LRP2: variants seen among roughly 807,000 people sequenced by gnomAD.
LRP2 encodes the protein low-density lipoprotein receptor-related protein 2.
Under a neutral mutation model 531.0 loss-of-function variants are expected in LRP2, and 172 were observed. The observed-to-expected ratio is 0.32, with a 90% CI of 0.29 to 0.37. The LOEUF (loss-of-function observed/expected upper bound fraction) is 0.37. Among genes scored for constraint, LRP2 ranks in the 10% least tolerant of loss-of-function variants. LRP2 has a pLI of 1.00. For synonymous variants in LRP2, 1,992 were observed against 2,027.6 expected, an observed-to-expected ratio of 0.98 and a Z score of 0.47; for missense variants, 5,167 against 5,868.3, an observed-to-expected ratio of 0.88 and a Z score of 3.90.
intron 55 of LRP2, among the ~76,000 whole-genome samples, chr2:169,174,563 G>A (rs1480455796): frequency 1.3e-5 from 2 of 152,186 alleles, no homozygotes; most frequent in Non-Finnish European, 2.9e-5. Context: ...CCAAGTGAGT[G>A]CAGTGGCACG....
At chr2:169,247,276 G>C in intron 20 of LRP2, 102 bp downstream of exon 20, 1 of 1,242,940 alleles carries the variant, frequency 8.0e-7, no homozygotes, top group Non-Finnish European at 1.1e-6. Flanking sequence ...ACTACCAGGA[G>C]CTAGACCTTT....
rs537834745 is a variant in LRP2, at chr2:169,223,745, G to A, written c.5538+1565C>T. ...AAAATAAAAATAAAAAAAAGAGTTT[G>A]AACCAGAGGAGCCTCCAAGGGGCCC... On this transcript the variant is annotated intron_variant, in intron 33 of 78. Transcript: ENST00000649046. 5.9e-5 allele frequency among the ~76,000 whole-genome samples: 9 copies of A among 152,262 alleles called. No homozygotes were observed. In the East Asian group the frequency reaches 1.7e-3, roughly 29 times the overall value.
rs143084107 is a variant in LRP2, at chr2:169,174,026, C to T, written c.10907G>A (p.Arg3636Gln). ...ATTAGCACACCGAAACTGGCCCGGC[C>T]GGCAGGTCCTGCTGGCACAGTGGGA... Reference protein sequence around the residue: ...DSSHCASRTCRPGQFRCANGR... With the variant: ...DSSHCASRTCQPGQFRCANGR... The change falls in exon 56 of 79, where the codon CGG becomes CAG. Residue 3636 changes from arginine to glutamine, a missense_variant. Arg to Gln is a conservative substitution (Grantham distance 43, BLOSUM62 1). Coordinates refer to ENST00000649046, the MANE Select transcript of LRP2 (RefSeq NM_004525.3). The T allele has an allele frequency of 1.5e-5, 25 of 1,614,114 alleles. No individual in the cohort carries two copies. Among genetic ancestry groups the T allele is most frequent in the East Asian group, 6.7e-5 (3 of 44,898 alleles).
At position 169,128,811 on chromosome 2, in the gene LRP2, T is replaced by C; in HGVS notation, c.13820A>G (p.Glu4607Gly). The C allele has an allele frequency of 1.2e-6, 2 of 1,614,106 alleles. No homozygotes were observed. Among genetic ancestry groups the C allele is most frequent in the Non-Finnish European group, 1.7e-6 (2 of 1,179,990 alleles). ...TGGAGGTGGTGTCGCAGCAACACTT[T>C]CCTTTTGCTCGTTCTCCATCTAAGA... is the stretch of plus-strand genomic sequence containing the variant. Reference protein sequence around the residue: ...IYAQMENEQKESVAATPPPSP... With the variant: ...IYAQMENEQKGSVAATPPPSP... The change falls in exon 79 of 79, where the codon GAA becomes GGA. Residue 4607 changes from glutamate (E) to glycine (G), a missense_variant. This residue lies in a region of LRP2 where 348 missense variants were observed against 369.3 expected (regional missense o/e 0.94). Coordinates refer to ENST00000649046, the MANE Select transcript of LRP2 (RefSeq NM_004525.3).
intron 66 of LRP2, among the ~76,000 whole-genome samples, chr2:169,153,302 G>A (rs1471076554): frequency 1.3e-5 from 2 of 152,242 alleles, no homozygotes; most frequent in East Asian, 3.9e-4. Flanking sequence ...GATAAACCAG[G>A]GCAGGCTGTT....
chr2:169,237,042 C>G, intron 28 of LRP2, 61 bp downstream of exon 28: 1 of 1,376,198 alleles, frequency 7.3e-7, no homozygotes, highest in Non-Finnish European at 1.0e-6. Flanking sequence ...CATCATGTTA[C>G]TGTTGTTTTT....
At chr2:169,225,604 G>A in intron 32 of LRP2, 151 bp from the exon 33 acceptor site, 3 of 852,052 alleles carry the variant, frequency 3.5e-6, no homozygotes, top group Non-Finnish European at 5.6e-6. Flanking sequence ...GCACCACTGG[G>A]TAGGCTTCAA....
chr2:169,172,455 T>C (rs551032344), intron 57 of LRP2, among the ~76,000 whole-genome samples: 2 of 152,362 alleles, frequency 1.3e-5, no homozygotes, highest in African/African-American at 4.8e-5. Context: ...GATCATATTA[T>C]CTTCAGTCAA....
At chr2:169,214,735 C>CA (rs1688716554) in intron 35 of LRP2, among the ~76,000 whole-genome samples, 1 of 152,192 alleles carries the variant, frequency 6.6e-6, no homozygotes, top group Non-Finnish European at 1.5e-5. Flanking sequence ...AGCTACTCCT[C>CA]AGGGCAAGGC....
chr2:169,146,810 C>A lies in LRP2; in HGVS notation c.12740G>T (p.Ser4247Ile). 2 of 1,614,208 alleles carry A rather than the reference C, an allele frequency of 1.2e-6. No homozygotes were observed. Among genetic ancestry groups the A allele is most frequent in the Non-Finnish European group, 1.7e-6 (2 of 1,180,028 alleles). Reference sequence around the variant, plus strand: ...TTCAATAACGTCCTCCTTGAAGTCACTCCAGTAGATTCGGTCATTGTTCAA... The same window carrying A: ...TTCAATAACGTCCTCCTTGAAGTCAATCCAGTAGATTCGGTCATTGTTCAA... ...DYLNNDRIYW[S>I]DFKEDVIETI... is the part of the protein sequence containing the mutation. The change falls in exon 69 of 79, where the codon AGT becomes ATT. Residue 4247 changes from serine (S) to isoleucine (I), a missense_variant. Ser to Ile is a moderately radical substitution (Grantham distance 142). Around this residue, in one of 6 missense-constraint regions of LRP2, gnomAD observed 564 missense variants for 747.7 expected, o/e 0.75. Transcript: ENST00000649046.
chr2:169,332,792 C>T (rs143975426), intron 1 of LRP2, among the ~76,000 whole-genome samples: 52 of 152,312 alleles, frequency 3.4e-4, no homozygotes, highest in Non-Finnish European at 6.9e-4. Flanking sequence ...GAAACCAATG[C>T]TTCAACATCA....
In LRP2 at chr2:169,311,525, A is replaced by C. The variant is rs552784466; in HGVS notation, c.311-4128T>G. Among the ~76,000 whole-genome samples, 6 of 152,330 alleles carry C rather than the reference A, an allele frequency of 3.9e-5. No individual in the cohort carries two copies. In the East Asian group the frequency reaches 9.6e-4, roughly 24 times the overall value. ...TTGAGCGGTTTTGAGTGAGTTTCTT[A>C]ATCCTGAGTTTTAGTTTGATTGCAC... On this transcript the variant is annotated intron_variant, in intron 3 of 78. Transcript: ENST00000649046.
chr2:169,145,904 C>G lies in LRP2; in HGVS notation c.12831G>C (p.Leu4277=). ...IAKEAMNPYS[L]DIFEDQLYWI... Reference sequence around the variant, plus strand: ...AGTATAACTGGTCTTCAAAGATGTCCAGGCTGTAAGGGTTCATTGCTGCTT... The same window carrying G: ...AGTATAACTGGTCTTCAAAGATGTCGAGGCTGTAAGGGTTCATTGCTGCTT... The change falls in exon 70 of 79, where the codon CTG becomes CTC. Residue 4277 remains leucine, a synonymous_variant. Coordinates refer to ENST00000649046, the MANE Select transcript of LRP2 (RefSeq NM_004525.3). The G allele has an allele frequency of 6.2e-7, 1 of 1,614,086 alleles. No homozygotes were observed. Among genetic ancestry groups the G allele is most frequent in the Middle Eastern group, 1.6e-4 (1 of 6,062 alleles).
At chr2:169,140,789 A>G (rs1685693499) in intron 71 of LRP2, among the ~76,000 whole-genome samples, 1 of 152,238 alleles carries the variant, frequency 6.6e-6, no homozygotes, top group Non-Finnish European at 1.5e-5. Context: ...GAGAGGTACT[A>G]GACTCTGGAG....
intron 31 of LRP2, among the ~76,000 whole-genome samples, chr2:169,230,597 A>G (rs893385715): frequency 6.6e-6 from 1 of 152,222 alleles, no homozygotes; most frequent in Non-Finnish European, 1.5e-5. Flanking sequence ...AGCAATTTTC[A>G]TCAGTATCAA....
rs1689672127 is a variant in LRP2, at chr2:169,238,123, T to A, written c.4474A>T (p.Ser1492Cys). ...CTGTCCGTTCCATTTTGAAACGCAC[T>A]CCAGGTTTTACCCTGAGTTGCATCA... ...WSDATQGKTW[S>C]AFQNGTDRRV... Residue 1492 changes from serine (S) to cysteine (C), a missense_variant, in exon 27 of 79, where the codon AGT becomes TGT. Ser to Cys is a moderately radical substitution (Grantham distance 112, BLOSUM62 -1). Coordinates refer to ENST00000649046, the MANE Select transcript of LRP2 (RefSeq NM_004525.3). 6.2e-7 allele frequency: 1 copy of A among 1,614,126 alleles called. No homozygotes were observed. Among genetic ancestry groups the A allele is most frequent in the African/African-American group, 1.3e-5 (1 of 75,042 alleles).
chr2:169,283,049 T>G, intron 9 of LRP2, 48 bp from the exon 10 acceptor site: 1 of 1,604,668 alleles, frequency 6.2e-7, no homozygotes, highest in Non-Finnish European at 8.5e-7. Context: ...TCAGCATTTA[T>G]TAAGCACTCT....
intron 71 of LRP2, 60 bp downstream of exon 71, chr2:169,142,614 T>A: frequency 6.2e-7 from 1 of 1,608,004 alleles, no homozygotes; most frequent in Non-Finnish European, 8.5e-7. Context: ...TTCTTCTGAC[T>A]CCTGAAGGCA....
At chr2:169,188,367 G>C in intron 48 of LRP2, 102 bp from the exon 49 acceptor site, 1 of 1,129,462 alleles carries the variant, frequency 8.9e-7, no homozygotes, top group Non-Finnish European at 1.3e-6. Context: ...CTAAATGCCA[G>C]GTCAACCATT....
Sources: allele counts gnomAD v4.1 joint callset (sites outside exome capture counted in the v4.1 genomes callset), GRCh38; gene constraint gnomAD v4.1.1; regional missense constraint gnomAD v4.1.1; transcripts MANE v1.5; gene names NCBI Gene and HGNC (gene_info 2026-07-23, HGNC 2026-07-21).